PABPC4L: variants seen among roughly 807,000 people sequenced by gnomAD.
The protein encoded by PABPC4L is polyadenylate-binding protein 4-like.
For synonymous variants in PABPC4L, 169 were observed against 164.1 expected, an observed-to-expected ratio of 1.03 and a Z score of -0.23; for missense variants, 452 against 451.4, an observed-to-expected ratio of 1.00 and a Z score of -0.01.
At chr4:134,029,797 A>AT in the PABPC4L span, among the ~76,000 whole-genome samples, 1 of 151,836 alleles carries the variant, frequency 6.6e-6, no homozygotes, top group African/African-American at 2.4e-5. Flanking sequence ...AAAGGAGGTG[A>AT]TATGGCTGTG....
At chr4:134,097,077 G>A in the PABPC4L span, among the ~76,000 whole-genome samples, 1 of 151,892 alleles carries the variant, frequency 6.6e-6, no homozygotes, top group Non-Finnish European at 1.5e-5. Context: ...TTTGGTTGAG[G>A]AGAAAATGCT....
chr4:134,179,959 A>G, the PABPC4L span, among the ~76,000 whole-genome samples: 1 of 152,008 alleles, frequency 6.6e-6, no homozygotes, highest in Non-Finnish European at 1.5e-5. Context: ...CACATTATTG[A>G]CAGGATTAGA....
At chr4:134,081,286 A>G in the PABPC4L span, among the ~76,000 whole-genome samples, 1 of 152,114 alleles carries the variant, frequency 6.6e-6, no homozygotes, top group African/African-American at 2.4e-5. Context: ...GTTGCCCCGA[A>G]AGCAGCTGCA....
chr4:133,992,525 G>A, the PABPC4L span, among the ~76,000 whole-genome samples: 1 of 152,218 alleles, frequency 6.6e-6, no homozygotes, highest in Admixed American at 6.5e-5. Context: ...TGGCACCTTA[G>A]TCCAATGCAT....
chr4:134,179,692 A>C, the PABPC4L span, among the ~76,000 whole-genome samples: 3 of 152,236 alleles, frequency 2.0e-5, no homozygotes, highest in South Asian at 6.2e-4. Flanking sequence ...GATAGAAAAA[A>C]ATCTAGCAAG....
the PABPC4L span, among the ~76,000 whole-genome samples, chr4:134,006,967 G>A: frequency 6.6e-6 from 1 of 151,822 alleles, no homozygotes; most frequent in Admixed American, 6.6e-5. Flanking sequence ...GTAATTAACA[G>A]TAACTATTAC....
the PABPC4L span, among the ~76,000 whole-genome samples, chr4:134,071,704 G>A: frequency 6.6e-6 from 1 of 152,060 alleles, no homozygotes; most frequent in Non-Finnish European, 1.5e-5. Context: ...CAAAAAATAT[G>A]GGCAAGGTGA....
chr4:134,157,695 A>G, the PABPC4L span, among the ~76,000 whole-genome samples: 2 of 151,830 alleles, frequency 1.3e-5, no homozygotes, highest in African/African-American at 2.4e-5. Context: ...TTTAACTCCT[A>G]CTTTACTTCA....
the PABPC4L span, among the ~76,000 whole-genome samples, chr4:134,014,351 AC>A: frequency 6.6e-6 from 1 of 152,086 alleles, no homozygotes; most frequent in Non-Finnish European, 1.5e-5. Flanking sequence ...TGTGAGACAA[AC>A]CCCAGCCACA....
the PABPC4L span, among the ~76,000 whole-genome samples, chr4:133,990,461 C>T: frequency 6.6e-6 from 1 of 152,074 alleles, no homozygotes; most frequent in African/African-American, 2.4e-5. Flanking sequence ...AATTTTCTCC[C>T]CATCCCCTTT....
chr4:134,143,907 A>G, the PABPC4L span, among the ~76,000 whole-genome samples: 4 of 151,470 alleles, frequency 2.6e-5, no homozygotes, highest in African/African-American at 9.7e-5. Flanking sequence ...TACTTTTATT[A>G]TTTATACATT....
chr4:134,122,506 C>G, the PABPC4L span, among the ~76,000 whole-genome samples: 1 of 151,786 alleles, frequency 6.6e-6, no homozygotes, highest in Non-Finnish European at 1.5e-5. Context: ...GTTTTGTACA[C>G]TACAGTCTTA....
At chr4:134,201,488 C>A (rs1729884582) in intron 1 of PABPC4L, among the ~76,000 whole-genome samples, 1 of 152,114 alleles carries the variant, frequency 6.6e-6, no homozygotes, top group Non-Finnish European at 1.5e-5. Context: ...GAGGTTCTGC[C>A]CGGCAGAGAC....
At chr4:134,086,350 C>T in the PABPC4L span, among the ~76,000 whole-genome samples, 574 of 152,194 alleles carry the variant, frequency 3.8e-3, 2 homozygotes, top group African/African-American at 0.013. Flanking sequence ...CAGTGGCTTG[C>T]ATTGTCACTC....
the PABPC4L span, among the ~76,000 whole-genome samples, chr4:134,153,077 T>G: frequency 2.0e-5 from 3 of 152,190 alleles, no homozygotes; most frequent in East Asian, 5.8e-4. Context: ...ACACTTTCCA[T>G]GAGGCTCCAC....
chr4:134,188,800 A>G, the PABPC4L span, among the ~76,000 whole-genome samples: 2 of 152,010 alleles, frequency 1.3e-5, no homozygotes, highest in Non-Finnish European at 2.9e-5. Flanking sequence ...GCTTTTAATT[A>G]TCCTGCTCAG....
chr4:133,986,320 T>A, the PABPC4L span, among the ~76,000 whole-genome samples: 1 of 151,970 alleles, frequency 6.6e-6, no homozygotes, highest in Admixed American at 6.6e-5. Context: ...CTTACTAAGA[T>A]AGCAAAACAA....
At chr4:134,153,684 G>C in the PABPC4L span, among the ~76,000 whole-genome samples, 1 of 151,252 alleles carries the variant, frequency 6.6e-6, no homozygotes, top group Non-Finnish European at 1.5e-5. Flanking sequence ...GTCTTGATCT[G>C]TAGTCCATGC....
chr4:133,966,636 C>G, the PABPC4L span, among the ~76,000 whole-genome samples: 1 of 152,200 alleles, frequency 6.6e-6, no homozygotes, highest in African/African-American at 2.4e-5. Flanking sequence ...CATAAAAAAG[C>G]ATGAATTAAT....
Sources: allele counts gnomAD v4.1 joint callset (sites outside exome capture counted in the v4.1 genomes callset), GRCh38; gene constraint gnomAD v4.1.1; transcripts MANE v1.5; gene names NCBI Gene and HGNC (gene_info 2026-07-23, HGNC 2026-07-21).